The following RNF19A variants were observed in gnomAD, a reference collection of about 807,000 sequenced individuals.
The protein encoded by RNF19A is ring finger protein 19A, RBR E3 ubiquitin protein ligase, also known as E3 ubiquitin-protein ligase RNF19A.
RNF19A carries 32 observed loss-of-function variants against 75.7 expected under a neutral mutation model. The ratio of observed to expected loss-of-function variants is 0.42; its 90% CI spans 0.32 to 0.57. The LOEUF (loss-of-function observed/expected upper bound fraction) is 0.57. RNF19A is among the 20% of genes least tolerant of loss of function. The pLI is 0.10. For synonymous variants in RNF19A, 335 were observed against 345.2 expected (o/e 0.97, Z 0.33); for missense variants, 782 against 1,036.3 (o/e 0.75, Z 3.37).
In RNF19A at chr8:100,258,539, C is replaced by G. The variant is rs758935043; in HGVS notation, c.*17G>C. 1 of 1,580,850 alleles carries G rather than the reference C, an allele frequency of 6.3e-7. No homozygotes were observed. The highest frequency in any genetic ancestry group is 8.6e-7 in the Non-Finnish European group (1 of 1,160,118). On this transcript the variant is annotated 3_prime_UTR_variant, in exon 10 of 10. Coordinates refer to ENST00000341084, the MANE Select transcript of RNF19A (RefSeq NM_183419.4). This position sits in a 1 kb window ranked among gnomAD's most constrained non-coding sequence, Gnocchi z 4.3. ...ACACGGTTGTACAGTGGTAATTATT[C>G]TGCAGCATTTATGGGCCTAAATTTC...
At chr8:100,274,135 GGAGT>G (rs1820390435) in intron 3 of RNF19A, among the ~76,000 whole-genome samples, 1 of 152,062 alleles carries the variant, frequency 6.6e-6, no homozygotes, top group Non-Finnish European at 1.5e-5. Flanking sequence ...GATTGCTCAC[GGAGT>G]AAGTAGAGAA....
At chr8:100,334,588 T>G (rs1822652341) in intron 1 of RNF19A, among the ~76,000 whole-genome samples, 2 of 152,236 alleles carry the variant, frequency 1.3e-5, no homozygotes, top group Admixed American at 1.3e-4. Flanking sequence ...CTCCCTTTCT[T>G]GTGCCCCACC....
intron 1 of RNF19A, among the ~76,000 whole-genome samples, chr8:100,318,106 A>G (rs539919754): frequency 6.6e-6 from 1 of 152,266 alleles, no homozygotes; most frequent in East Asian, 1.9e-4. Flanking sequence ...TATAGGAGCC[A>G]TGAAACTTGT....
In RNF19A at chr8:100,279,671, G is replaced by A. The variant is rs1007986106; in HGVS notation, c.675-4510C>T. Among the ~76,000 whole-genome samples, 13 of 152,168 alleles carry A rather than the reference G, an allele frequency of 8.5e-5. 1 individual carries two copies. Among genetic ancestry groups the A allele is most frequent in the Admixed American group, 5.2e-4 (8 of 15,270 alleles). The stretch of plus-strand genomic sequence containing the variant: ...AGGTTCAAGCTCAGATTACAGGGGC[G>A]CATCACCATGCTTGGCTAATTTTTT... On this transcript the variant is annotated intron_variant, in intron 2 of 9. Coordinates refer to ENST00000341084, the MANE Select transcript of RNF19A (RefSeq NM_183419.4).
At chr8:100,291,126 T>C (rs1305580945) in intron 1 of RNF19A, among the ~76,000 whole-genome samples, 1 of 152,184 alleles carries the variant, frequency 6.6e-6, no homozygotes, top group Non-Finnish European at 1.5e-5. Context: ...TATTTTTTGT[T>C]ATCATATCCT....
In RNF19A at chr8:100,325,675, G is replaced by C. The variant is rs1405309388; in HGVS notation, c.-243+10433C>G. ...AAGATTGAACACAACTTAACAGACC[G>C]ATTATCTAGTCATTGTTATCAACCT... On this transcript the variant is annotated intron_variant, in intron 1 of 3. Coordinates refer to the RNF19A transcript ENST00000519527. This position sits in a 1 kb window ranked among gnomAD's most constrained non-coding sequence, Gnocchi z 4.3. Among the ~76,000 whole-genome samples, 1 of 152,020 alleles carries C rather than the reference G, an allele frequency of 6.6e-6. No individual in the cohort carries two copies. The highest frequency in any genetic ancestry group is 1.5e-5 in the Non-Finnish European group (1 of 68,016).
At chr8:100,281,685 G>C (rs1041630087) in intron 2 of RNF19A, among the ~76,000 whole-genome samples, 4 of 152,136 alleles carry the variant, frequency 2.6e-5, no homozygotes, top group African/African-American at 9.7e-5. Flanking sequence ...TGAAGAAAAA[G>C]TATCTGTAAG....
At position 100,325,556 on chromosome 8, in the gene RNF19A, C is replaced by A. The variant is rs562214477; in HGVS notation, c.-243+10552G>T. Among the ~76,000 whole-genome samples, 6 of 152,252 alleles carry A rather than the reference C, an allele frequency of 3.9e-5. No homozygotes were observed. The South Asian group carries it at 1.2e-3, about 32-fold the overall frequency. ...TGTACCCAGGAATTTGGATCTAGTT[C>A]TCTGCCCTCAGCAGCACCACACCTC... On this transcript the variant is annotated intron_variant, in intron 1 of 3. Coordinates refer to the RNF19A transcript ENST00000519527. The surrounding 1 kb of genome is among the most constrained non-coding windows in gnomAD (Gnocchi z 4.3).
In RNF19A at chr8:100,275,291, C is replaced by T; in HGVS notation, c.675-130G>A. 1.5e-6 allele frequency: 1 copy of T among 661,188 alleles called. No individual in the cohort carries two copies. The highest frequency in any genetic ancestry group is 2.0e-5 in the South Asian group (1 of 50,076). The allele number at this position is 661,188 out of a possible 1,614,324, so 41.0% of individuals were successfully genotyped here. ...ATACATTAGCAAACAGTCATAAGCA[C>T]AATCTCACCAATATAAAAATGGGGG... On this transcript the variant is annotated intron_variant, in intron 2 of 9. Coordinates refer to ENST00000341084, the MANE Select transcript of RNF19A (RefSeq NM_183419.4). The surrounding 1 kb of genome is among the most constrained non-coding windows in gnomAD (Gnocchi z 4.3).
At chr8:100,320,607 A>G (rs927258654) in intron 1 of RNF19A, among the ~76,000 whole-genome samples, 2 of 152,250 alleles carry the variant, frequency 1.3e-5, no homozygotes, top group Non-Finnish European at 2.9e-5. Flanking sequence ...AAATGACTAT[A>G]TCAGGGTGAT....
chr8:100,311,885 C>T (rs146522290), upstream of RNF19A, among the ~76,000 whole-genome samples: 26 of 152,310 alleles, frequency 1.7e-4, no homozygotes, highest in East Asian at 4.8e-3. Context: ...GATGCTGCTT[C>T]TGGCTTTCTT....
intron 1 of RNF19A, among the ~76,000 whole-genome samples, chr8:100,301,100 TAAATTA>T (rs1321409781): frequency 1.3e-5 from 2 of 152,262 alleles, no homozygotes. Context: ...TGAGGCTATT[TAAATTA>T]AAATTAAATT....
rs1822590643 is a variant in RNF19A at position 100,330,064 on chromosome 8, G to C, written c.-243+6044C>G. Among the ~76,000 whole-genome samples, 1 of 152,144 alleles carries C rather than the reference G, an allele frequency of 6.6e-6. No homozygotes were observed. The highest frequency in any genetic ancestry group is 1.5e-5 in the Non-Finnish European group (1 of 68,032). Reference sequence around the variant, plus strand: ...AGGAGAGGTGGGGGAAGTTGGATTAGAGGGCTGCCAGGATCCTTCTTGGCT... The same window carrying C: ...AGGAGAGGTGGGGGAAGTTGGATTACAGGGCTGCCAGGATCCTTCTTGGCT... On this transcript the variant is annotated intron_variant, in intron 1 of 3. Transcript: ENST00000519527. This position sits in a 1 kb window ranked among gnomAD's most constrained non-coding sequence, Gnocchi z 4.1.
At chr8:100,273,802 A>T (rs1404284615) in intron 3 of RNF19A, among the ~76,000 whole-genome samples, 1 of 152,090 alleles carries the variant, frequency 6.6e-6, no homozygotes, top group Admixed American at 6.5e-5. Flanking sequence ...TTATTTTTTG[A>T]GATGGAGTCT....
In RNF19A at chr8:100,317,027, C is replaced by A. The variant is rs1822390995; in HGVS notation, c.-242-3655G>T. 6.6e-6 allele frequency among the ~76,000 whole-genome samples: 1 copy of A among 152,230 alleles called. No homozygotes were observed. Among genetic ancestry groups the A allele is most frequent in the South Asian group, 2.1e-4 (1 of 4,826 alleles). On this transcript the variant is annotated intron_variant, in intron 1 of 3. Transcript: ENST00000519527. The surrounding 1 kb of genome is among the most constrained non-coding windows in gnomAD (Gnocchi z 4.3). ...CAGCCGCTGGCCCGGGTGCTAAGTC[C>A]CTCATTGCCCGGGACCAGCAGCGCT...
chr8:100,283,890 G>A (rs190036970), intron 2 of RNF19A, among the ~76,000 whole-genome samples: 81 of 152,144 alleles, frequency 5.3e-4, no homozygotes, highest in Admixed American at 4.4e-3. Flanking sequence ...CAAATATTCA[G>A]AAATTTACCA....
intron 1 of RNF19A, among the ~76,000 whole-genome samples, chr8:100,294,975 T>C (rs750712620): frequency 1.3e-5 from 2 of 152,232 alleles, no homozygotes; most frequent in Admixed American, 6.5e-5. Flanking sequence ...AATTCATTTA[T>C]TCTTTCAACA....
chr8:100,324,159 A>G lies in RNF19A; in HGVS notation c.-242-10787T>C, dbSNP rs1387107251. Among the ~76,000 whole-genome samples the G allele has an allele frequency of 6.6e-6, 1 of 152,236 alleles. No homozygotes were observed. The highest frequency in any genetic ancestry group is 1.9e-4 in the East Asian group (1 of 5,204). ...TACTATAATTTATTTTTTACAGCGG[A>G]GGAAGCCCAATCTAGATTTATAAAG... On this transcript the variant is annotated intron_variant, in intron 1 of 3. Coordinates refer to the RNF19A transcript ENST00000519527. This position sits in a 1 kb window ranked among gnomAD's most constrained non-coding sequence, Gnocchi z 4.2.
rs187616033 is a variant in RNF19A at position 100,327,396 on chromosome 8, C to T, written c.-243+8712G>A. Among the ~76,000 whole-genome samples, 454 of 151,820 alleles carry T rather than the reference C, an allele frequency of 3.0e-3. 1 individual carries two copies. The highest frequency in any genetic ancestry group is 5.8e-3 in the Non-Finnish European group (397 of 67,910). Reference sequence around the variant, plus strand: ...CCTCCCGAGTAGCTGGAATTACAGGCGTGTGCCACCATGCCCAGCTAATTT... The same window carrying T: ...CCTCCCGAGTAGCTGGAATTACAGGTGTGTGCCACCATGCCCAGCTAATTT... On this transcript the variant is annotated intron_variant, in intron 1 of 3. Coordinates refer to the RNF19A transcript ENST00000519527.
Sources: allele counts gnomAD v4.1 joint callset (sites outside exome capture counted in the v4.1 genomes callset), GRCh38; gene constraint gnomAD v4.1.1; non-coding constraint Gnocchi (gnomAD v3.1); transcripts MANE v1.5; gene names NCBI Gene and HGNC (gene_info 2026-07-23, HGNC 2026-07-21).